DLG2: variants seen among roughly 807,000 people sequenced by gnomAD.
DLG2 encodes disks large homolog 2.
Under a neutral mutation model 132.5 loss-of-function variants are expected in DLG2, and 45 were observed. The observed-to-expected ratio is 0.34, with a 90% CI of 0.27 to 0.44. The LOEUF (loss-of-function observed/expected upper bound fraction) is 0.44, where lower values mean the gene tolerates loss of function less well. Among genes scored for constraint, DLG2 ranks in the 20% least tolerant of loss-of-function variants. The probability of loss-of-function intolerance (pLI) is 1.00; values close to 1 mark genes in which losing one functional copy is unlikely to be tolerated. For missense variants in DLG2, 1,045 were observed against 1,196.9 expected (o/e 0.87, Z 1.87); for synonymous variants, 424 against 419.6 (o/e 1.01, Z -0.13).
chr11:84,814,421 C>G (rs1337227501), intron 6 of DLG2, among the ~76,000 whole-genome samples: 1 of 152,016 alleles, frequency 6.6e-6, no homozygotes, highest in Non-Finnish European at 1.5e-5. Context: ...GTGATCAATC[C>G]AAAACAGAAA....
intron 6 of DLG2, among the ~76,000 whole-genome samples, chr11:84,727,224 C>T (rs2062589132): frequency 6.6e-6 from 1 of 151,902 alleles, no homozygotes. Flanking sequence ...TTTTACGGTC[C>T]CAGGTCTTAC....
chr11:83,557,162 G>A (rs1011140129), intron 19 of DLG2, among the ~76,000 whole-genome samples: 4 of 152,192 alleles, frequency 2.6e-5, no homozygotes, highest in Non-Finnish European at 5.9e-5. Flanking sequence ...GGCAAAAGAT[G>A]AACAAGATGG....
intron 7 of DLG2, among the ~76,000 whole-genome samples, chr11:84,348,671 G>C (rs1442401696): frequency 6.6e-6 from 1 of 152,150 alleles, no homozygotes; most frequent in Non-Finnish European, 1.5e-5. Context: ...AGTACCTGTT[G>C]TGACTGTGAC....
At chr11:85,244,479 A>T (rs1177505583) in intron 4 of DLG2, among the ~76,000 whole-genome samples, 1 of 151,982 alleles carries the variant, frequency 6.6e-6, no homozygotes, top group Non-Finnish European at 1.5e-5. Context: ...GGTTAAAAAA[A>T]TTGTATGTGT....
At chr11:85,100,635 C>T (rs1053120611) in intron 6 of DLG2, among the ~76,000 whole-genome samples, 2 of 152,136 alleles carry the variant, frequency 1.3e-5, no homozygotes, top group African/African-American at 4.8e-5. Context: ...AACAGTACAC[C>T]ACCCAAGGCA....
intron 4 of DLG2, among the ~76,000 whole-genome samples, chr11:85,217,815 C>T (rs1364082489): frequency 6.6e-6 from 1 of 152,168 alleles, no homozygotes; most frequent in East Asian, 1.9e-4. Context: ...TCTTCGGTTG[C>T]TTTTGTGGAC....
intron 10 of DLG2, among the ~76,000 whole-genome samples, chr11:84,084,798 G>A (rs1055169233): frequency 6.6e-6 from 1 of 152,074 alleles, no homozygotes; most frequent in Non-Finnish European, 1.5e-5. Context: ...CCTCACCATT[G>A]ATATCTGATC....
chr11:83,556,308 C>T (rs1198592972), intron 19 of DLG2, among the ~76,000 whole-genome samples: 2 of 151,446 alleles, frequency 1.3e-5, no homozygotes, highest in Non-Finnish European at 2.9e-5. Context: ...AACGTTTCTA[C>T]TGAGAAGAAA....
At chr11:83,678,465 A>C (rs1160359333) in intron 18 of DLG2, among the ~76,000 whole-genome samples, 1 of 152,066 alleles carries the variant, frequency 6.6e-6, no homozygotes, top group Non-Finnish European at 1.5e-5. Context: ...TTTCATGCAG[A>C]TGTGTGGACA....
chr11:84,479,778 G>A (rs1390359482), intron 7 of DLG2, among the ~76,000 whole-genome samples: 4 of 151,940 alleles, frequency 2.6e-5, no homozygotes, highest in Non-Finnish European at 5.9e-5. Context: ...CAGTATAATA[G>A]GTAGGAAGAC....
chr11:84,000,315 G>C (rs2094279721), intron 11 of DLG2, among the ~76,000 whole-genome samples: 1 of 151,812 alleles, frequency 6.6e-6, no homozygotes, highest in South Asian at 2.1e-4. Context: ...AAACCAGTCA[G>C]ACAAATAAAG....
chr11:85,257,777 T>C (rs1354287310), intron 4 of DLG2, among the ~76,000 whole-genome samples: 1 of 152,182 alleles, frequency 6.6e-6, no homozygotes, highest in Non-Finnish European at 1.5e-5. Flanking sequence ...AGGAAACAAC[T>C]TCTCCATAAG....
intron 18 of DLG2, among the ~76,000 whole-genome samples, chr11:83,717,813 G>A (rs191359266): frequency 9.0e-4 from 137 of 152,330 alleles, no homozygotes; most frequent in Non-Finnish European, 1.6e-3. Flanking sequence ...AGAAAAAAAG[G>A]TGGCCTTGCA....
In DLG2 at chr11:83,724,476, T is replaced by TGAGAGAGAGAGAGAGAGAGA. The variant is rs59782952; in HGVS notation, c.1825+62194_1825+62213dup. ...CTCTCTCCGTGTGTGTGTGTGTGTG[T>TGAGAGAGAGAGAGAGAGAGA]GAGAGAGAGAGAGAGAGAGAGAGAG... is the stretch of plus-strand genomic sequence containing the variant. On this transcript the variant is annotated intron_variant, in intron 18 of 27. Transcript: ENST00000376104. Among the ~76,000 whole-genome samples, 12 of 118,222 alleles carry TGAGAGAGAGAGAGAGAGAGA rather than the reference T, an allele frequency of 1.0e-4. No homozygotes were observed. In the East Asian group the frequency reaches 1.1e-3, roughly 11 times the overall value. The allele number at this position is 118,222 out of a possible 152,430, so 77.6% of individuals were successfully genotyped here. A position where few individuals can be genotyped will look rare whatever the true frequency, so the allele number is the denominator to read the frequency against.
intron 3 of DLG2, among the ~76,000 whole-genome samples, chr11:85,315,942 A>C (rs1208603780): frequency 6.6e-6 from 1 of 151,976 alleles, no homozygotes; most frequent in Non-Finnish European, 1.5e-5. Flanking sequence ...CACAGGGTGA[A>C]AGGTTCTCCC....
At chr11:84,243,223 A>G (rs1264708556) in intron 8 of DLG2, among the ~76,000 whole-genome samples, 5 of 152,166 alleles carry the variant, frequency 3.3e-5, no homozygotes, top group Non-Finnish European at 5.9e-5. Flanking sequence ...CCTACTGGCT[A>G]CTAAGCACTT....
In DLG2 at chr11:85,621,925, A is replaced by C. The variant is rs11824926; in HGVS notation, c.-93+4662T>G. Among the ~76,000 whole-genome samples the C allele has an allele frequency of 9.1e-3, 1,384 of 152,358 alleles. 18 individuals are homozygous for C. The highest frequency in any genetic ancestry group is 0.03 in the African/African-American group (1,238 of 41,578). On this transcript the variant is annotated intron_variant, in intron 2 of 27. Transcript: ENST00000376104. ...TTGTACTGTGGGTAAAATGCTGTCA[A>C]ACAGCATCTCATGCTACAGAGAAAT...
chr11:84,356,348 C>T (rs2098611406), intron 7 of DLG2, among the ~76,000 whole-genome samples: 1 of 152,090 alleles, frequency 6.6e-6, no homozygotes, highest in Non-Finnish European at 1.5e-5. Context: ...TGGATACAAT[C>T]TGAATCACGA....
chr11:85,548,182 C>T (rs2076447866), intron 3 of DLG2, among the ~76,000 whole-genome samples: 1 of 152,112 alleles, frequency 6.6e-6, no homozygotes, highest in Admixed American at 6.5e-5. Context: ...AGTGGATGTC[C>T]TTTTTGTTGA....
Sources: allele counts gnomAD v4.1 joint callset (sites outside exome capture counted in the v4.1 genomes callset), GRCh38; gene constraint gnomAD v4.1.1; transcripts MANE v1.5; gene names NCBI Gene and HGNC (gene_info 2026-07-23, HGNC 2026-07-21).